TANGO2: variants seen among roughly 807,000 people sequenced by gnomAD.
TANGO2 encodes transport and golgi organization 2 homolog.
Under a neutral mutation model 39.1 loss-of-function variants are expected in TANGO2, and 26 were observed. The observed-to-expected ratio is 0.67, with a 90% CI of 0.49 to 0.92. The LOEUF is 0.92. Among genes scored for constraint, TANGO2 ranks in the 40% least tolerant of loss-of-function variants. The pLI is 0.00. For missense variants in TANGO2, 326 were observed against 360.1 expected, an observed-to-expected ratio of 0.91 and a Z score of 0.77; for synonymous variants, 131 against 144.5, an observed-to-expected ratio of 0.91 and a Z score of 0.67.
chr22:20,053,062 A>G (rs1280176633), intron 4 of TANGO2, among the ~76,000 whole-genome samples: 1 of 152,250 alleles, frequency 6.6e-6, no homozygotes, highest in East Asian at 1.9e-4. Flanking sequence ...CCTTGTCCTC[A>G]TGCATGGCAC....
chr22:20,040,996 G>A (rs1283786529), intron 2 of TANGO2, among the ~76,000 whole-genome samples: 8 of 152,178 alleles, frequency 5.3e-5, no homozygotes, highest in African/African-American at 1.9e-4. Flanking sequence ...AGACCCCAAG[G>A]GCTCTAGGGC....
chr22:20,058,082 C>G (rs942034183), intron 6 of TANGO2: 2 of 151,994 alleles, frequency 1.3e-5, no homozygotes, highest in African/African-American at 4.8e-5. Flanking sequence ...GCACAGTTCA[C>G]CCATTTAAAG....
chr22:20,039,134 A>G (rs1176431130), intron 2 of TANGO2, among the ~76,000 whole-genome samples: 1 of 149,430 alleles, frequency 6.7e-6, no homozygotes, highest in African/African-American at 2.5e-5. Context: ...AGTTCTCACT[A>G]TGTTGTCCAG....
chr22:20,056,822 C>T (rs1312701405), intron 6 of TANGO2: 1 of 456,684 alleles, frequency 2.2e-6, no homozygotes, highest in Admixed American at 2.3e-5. Flanking sequence ...CACTCACTCC[C>T]ACACTCGCTG....
chr22:20,053,288 G>C, intron 4 of TANGO2, 149 bp from the exon 5 acceptor site: 1 of 612,118 alleles, frequency 1.6e-6, no homozygotes, highest in Non-Finnish European at 3.0e-6. Flanking sequence ...AATGAGGTGT[G>C]GCTGACTCTT....
upstream of TANGO2, among the ~76,000 whole-genome samples, chr22:20,020,623 A>T (rs527508763): frequency 2.0e-5 from 3 of 152,138 alleles, no homozygotes; most frequent in East Asian, 5.8e-4. Flanking sequence ...GAAAGAGCCG[A>T]CCTGGAGGCC....
chr22:20,055,996 C>T lies in TANGO2; in HGVS notation c.434C>T (p.Pro145Leu). 6.2e-7 allele frequency: 1 copy of T among 1,614,124 alleles called. No homozygotes were observed. Among genetic ancestry groups the T allele is most frequent in the Non-Finnish European group, 8.5e-7 (1 of 1,179,936 alleles). The change falls in exon 6 of 9, where the codon CCT becomes CTT. Residue 145 changes from proline to leucine, a missense_variant. Transcript: ENST00000327374. ...CYYGNRGEPD[P>L]IVLTPGTYGL... is the part of the protein sequence containing the mutation. ...TATGGGAACCGAGGGGAGCCTGATCCTATCGTTTTGACGCCAGGTGAGCCT... is the reference window on the plus strand; with the variant it reads ...TATGGGAACCGAGGGGAGCCTGATCTTATCGTTTTGACGCCAGGTGAGCCT...
chr22:20,029,386 G>A (rs1049191162), intron 1 of TANGO2, among the ~76,000 whole-genome samples: 6 of 152,186 alleles, frequency 3.9e-5, no homozygotes, highest in Admixed American at 6.5e-5. Context: ...CACAGACAGC[G>A]CCATGCTCTA....
intron 1 of TANGO2, among the ~76,000 whole-genome samples, chr22:20,026,261 G>A (rs975261121): frequency 3.9e-5 from 6 of 152,358 alleles, no homozygotes; most frequent in South Asian, 2.1e-4. Flanking sequence ...AGCCAGGCAT[G>A]GTGGCACGCA....
chr22:20,051,544 T>C (rs1215263694), intron 3 of TANGO2, among the ~76,000 whole-genome samples: 1 of 151,440 alleles, frequency 6.6e-6, no homozygotes, highest in Non-Finnish European at 1.5e-5. Context: ...AAAGTAATAA[T>C]AACAATAATA....
chr22:20,043,500 C>A, intron 3 of TANGO2, 57 bp downstream of exon 3: 1 of 1,284,650 alleles, frequency 7.8e-7, no homozygotes, highest in Admixed American at 1.8e-5. Flanking sequence ...CTAGCCCCTG[C>A]GTGGCCCGAG....
At chr22:20,037,643 G>A (rs1282923241) in intron 2 of TANGO2, among the ~76,000 whole-genome samples, 2 of 150,908 alleles carry the variant, frequency 1.3e-5, no homozygotes, top group Non-Finnish European at 1.5e-5. Context: ...AGGAAGGAAG[G>A]GTGTCTGGTG....
intron 3 of TANGO2, among the ~76,000 whole-genome samples, chr22:20,050,104 G>C (rs1024720886): frequency 1.3e-5 from 2 of 151,964 alleles, no homozygotes; most frequent in South Asian, 4.1e-4. Flanking sequence ...CCAGCTACTT[G>C]GGAGGCTGAG....
In TANGO2 at chr22:20,057,184, A is replaced by G. The variant is rs1211305111; in HGVS notation, c.451+1171A>G. On this transcript the variant is annotated intron_variant, in intron 6 of 8. Transcript: ENST00000327374. The surrounding 1 kb of genome is among the most constrained non-coding windows in gnomAD (Gnocchi z 4.1). ...TGATAAGCAGTCCCCAGGACAGCTG[A>G]GTGGCCCCATCCCACCTGCATCTTA... Among the ~76,000 whole-genome samples, 18 of 152,260 alleles carry G rather than the reference A, an allele frequency of 1.2e-4. No individual in the cohort carries two copies.
intron 1 of TANGO2, among the ~76,000 whole-genome samples, chr22:20,022,857 A>G (rs1354151526): frequency 1.3e-5 from 2 of 152,238 alleles, no homozygotes; most frequent in South Asian, 4.1e-4. Context: ...AAGTAGGGCC[A>G]TGCTTGTCAT....
chr22:20,050,229 A>G (rs1288077639), intron 3 of TANGO2, among the ~76,000 whole-genome samples: 2 of 152,068 alleles, frequency 1.3e-5, no homozygotes, highest in East Asian at 1.9e-4. Context: ...AAACAAAAAA[A>G]CACTATTGAA....
intron 3 of TANGO2, among the ~76,000 whole-genome samples, chr22:20,045,317 T>C (rs1602119228): frequency 6.6e-6 from 1 of 150,998 alleles, no homozygotes; most frequent in East Asian, 1.9e-4. Flanking sequence ...CATATGCCTG[T>C]TGTCCCAGTT....
intron 1 of TANGO2, 148 bp downstream of exon 1, chr22:20,021,394 T>G (rs906954285): frequency 6.6e-6 from 1 of 152,244 alleles, no homozygotes; most frequent in Admixed American, 6.5e-5. Flanking sequence ...TTTTTGATAA[T>G]CCCCGCTGGC....
chr22:20,047,228 G>GTTTT lies in TANGO2; in HGVS notation c.145+3788_145+3789insTTTT, dbSNP rs1281456111. On this transcript the variant is annotated intron_variant, in intron 3 of 8. Coordinates refer to ENST00000327374, the MANE Select transcript of TANGO2 (RefSeq NM_152906.7). ...ACACTGGGGATCAGTTTTTTGGTTT[G>GTTTT]TTTGTTTTTTTTTTTTTTTTTTGAG... Among the ~76,000 whole-genome samples the GTTTT allele has an allele frequency of 1.2e-3, 156 of 132,704 alleles. 15 individuals carry two copies. Among genetic ancestry groups the GTTTT allele is most frequent in the Middle Eastern group, 4.0e-3 (1 of 252 alleles). The allele number at this position is 132,704 out of a possible 152,430, so 87.1% of individuals were successfully genotyped here.
Sources: gnomAD v4.1 joint callset for allele counts (sites outside exome capture counted in the v4.1 genomes callset) on GRCh38, gnomAD v4.1.1 for gene constraint, Gnocchi (gnomAD v3.1) non-coding constraint, MANE v1.5 for transcripts, NCBI Gene and HGNC (gene_info 2026-07-23, HGNC 2026-07-21) for gene names.